PALLD: variants seen among roughly 807,000 people sequenced by gnomAD.
PALLD encodes the protein palladin, cytoskeletal associated protein.
In PALLD, 61 loss-of-function variants were observed where a neutral mutation model predicts 123.5. That is an observed-to-expected ratio of 0.49 (90% CI 0.40 to 0.61). The LOEUF (loss-of-function observed/expected upper bound fraction) is 0.61. Among genes scored for constraint, PALLD ranks in the 20% least tolerant of loss-of-function variants. The probability of loss-of-function intolerance (pLI) is 0.00; values close to 1 mark genes in which losing one functional copy is unlikely to be tolerated. For missense variants in PALLD, 1,273 were observed against 1,377.0 expected (o/e 0.92, Z 1.20); for synonymous variants, 465 against 496.4 (o/e 0.94, Z 0.84).
intron 2 of PALLD, among the ~76,000 whole-genome samples, chr4:168,613,471 C>G (rs909455194): frequency 9.2e-5 from 14 of 152,220 alleles, no homozygotes; most frequent in African/African-American, 3.4e-4. Context: ...TTCTCCTCAT[C>G]TTTTGGATAT....
At chr4:168,689,432 CTTTTTTTTTTTTTTTTT>C (rs70961551) in intron 6 of PALLD, among the ~76,000 whole-genome samples, 194 of 49,870 alleles carry the variant, frequency 3.9e-3, no homozygotes, top group African/African-American at 0.012. Flanking sequence ...ATCCAATATT[CTTTTTTTTTTTTTTTTT>C]TTTTTTTTTT....
chr4:168,639,215 A>G (rs1776649407), intron 2 of PALLD, among the ~76,000 whole-genome samples: 1 of 152,372 alleles, frequency 6.6e-6, no homozygotes, highest in Admixed American at 6.5e-5. Flanking sequence ...TGTGAAAACC[A>G]CAGAAGTCAT....
intron 10 of PALLD, among the ~76,000 whole-genome samples, chr4:168,886,510 A>G (rs778945411): frequency 2.0e-5 from 3 of 152,054 alleles, no homozygotes; most frequent in Non-Finnish European, 4.4e-5. Context: ...GCACAGTGGT[A>G]TGCACTTATG....
chr4:168,717,944 A>G (rs1785522685), intron 10 of PALLD, among the ~76,000 whole-genome samples: 1 of 152,164 alleles, frequency 6.6e-6, no homozygotes, highest in East Asian at 1.9e-4. Context: ...GACTAGGAGG[A>G]CATTTTCACT....
intron 10 of PALLD, among the ~76,000 whole-genome samples, chr4:168,876,472 A>C (rs900295572): frequency 6.6e-6 from 1 of 152,202 alleles, no homozygotes; most frequent in African/African-American, 2.4e-5. Context: ...AGAACATAGA[A>C]CCATCTCCTC....
At chr4:168,810,237 C>T (rs1181776887) in intron 10 of PALLD, among the ~76,000 whole-genome samples, 2 of 152,034 alleles carry the variant, frequency 1.3e-5, no homozygotes, top group African/African-American at 4.8e-5. Flanking sequence ...GTTTTTAAAA[C>T]ATTTGGTGAT....
At chr4:168,530,038 G>C (rs1764458201) in intron 2 of PALLD, among the ~76,000 whole-genome samples, 1 of 151,996 alleles carries the variant, frequency 6.6e-6, no homozygotes, top group African/African-American at 2.4e-5. Flanking sequence ...ATGGCCCTCG[G>C]GTTCTGTGTT....
At chr4:168,533,001 G>A (rs145694932) in intron 2 of PALLD, among the ~76,000 whole-genome samples, 1 of 152,076 alleles carries the variant, frequency 6.6e-6, no homozygotes, top group Non-Finnish European at 1.5e-5. Flanking sequence ...ATTAAAATAG[G>A]TTACCCAAAA....
At chr4:168,652,718 G>A (rs988777099) in intron 2 of PALLD, among the ~76,000 whole-genome samples, 1 of 152,222 alleles carries the variant, frequency 6.6e-6, no homozygotes, top group African/African-American at 2.4e-5. Flanking sequence ...AAGAATGAAA[G>A]CATTATTTAA....
intron 2 of PALLD, among the ~76,000 whole-genome samples, chr4:168,576,477 C>T (rs997751883): frequency 1.3e-5 from 2 of 151,978 alleles, no homozygotes; most frequent in African/African-American, 2.4e-5. Flanking sequence ...TGAGTGAGAA[C>T]ATGCGGTGTT....
chr4:168,561,806 T>G (rs1393211818), intron 2 of PALLD, among the ~76,000 whole-genome samples: 1 of 152,212 alleles, frequency 6.6e-6, no homozygotes, highest in Non-Finnish European at 1.5e-5. Flanking sequence ...AAGTAGTTCA[T>G]CTGAAATGAG....
intron 2 of PALLD, among the ~76,000 whole-genome samples, chr4:168,524,190 G>A (rs1441617621): frequency 6.6e-6 from 1 of 152,150 alleles, no homozygotes; most frequent in Non-Finnish European, 1.5e-5. Flanking sequence ...TGTATTGCTT[G>A]TACACATACA....
intron 2 of PALLD, among the ~76,000 whole-genome samples, chr4:168,586,829 T>A (rs548556882): frequency 2.0e-5 from 3 of 152,066 alleles, no homozygotes; most frequent in Non-Finnish European, 2.9e-5. Context: ...CATTAATTCT[T>A]TTGTGGAATT....
chr4:168,894,508 C>G, intron 11 of PALLD, 71 bp from the exon 12 acceptor site: 2 of 930,856 alleles, frequency 2.1e-6, no homozygotes, highest in Non-Finnish European at 1.7e-6. Flanking sequence ...GTTTTTTACT[C>G]TTTTTCATAG....
intron 2 of PALLD, among the ~76,000 whole-genome samples, chr4:168,626,354 T>C (rs1026213201): frequency 6.7e-5 from 9 of 134,442 alleles, no homozygotes; most frequent in African/African-American, 2.6e-4. Context: ...TGAGCCGAGA[T>C]CGCACCACTG....
At chr4:168,726,579 T>G (rs994143949) in intron 10 of PALLD, among the ~76,000 whole-genome samples, 4 of 152,082 alleles carry the variant, frequency 2.6e-5, no homozygotes, top group Non-Finnish European at 5.9e-5. Context: ...GACAGGGTCT[T>G]GCTTTGTTGC....
chr4:168,867,724 A>G (rs1431181374), intron 10 of PALLD, among the ~76,000 whole-genome samples: 3 of 152,008 alleles, frequency 2.0e-5, no homozygotes, highest in Non-Finnish European at 4.4e-5. Flanking sequence ...TAATTTTTAT[A>G]TTGTTCGTAC....
At chr4:168,549,790 GA>G in intron 2 of PALLD, among the ~76,000 whole-genome samples, 1 of 150,636 alleles carries the variant, frequency 6.6e-6, no homozygotes, top group African/African-American at 2.4e-5. Context: ...AAAAAAAAAT[GA>G]GAGTTAGAAT....
At chr4:168,732,686 C>A (rs953144256) in intron 10 of PALLD, among the ~76,000 whole-genome samples, 1 of 152,082 alleles carries the variant, frequency 6.6e-6, no homozygotes, top group Non-Finnish European at 1.5e-5. Flanking sequence ...CTAATCTCGA[C>A]GTAATTCAGT....
Sources: gnomAD v4.1 joint callset for allele counts (sites outside exome capture counted in the v4.1 genomes callset) on GRCh38, gnomAD v4.1.1 for gene constraint, MANE v1.5 for transcripts, NCBI Gene and HGNC (gene_info 2026-07-23, HGNC 2026-07-21) for gene names.